SLC9A9: variants seen among roughly 807,000 people sequenced by gnomAD.
The protein encoded by SLC9A9 is solute carrier family 9 member A9.
SLC9A9 carries 62 observed loss-of-function variants against 77.8 expected under a neutral mutation model. The ratio of observed to expected loss-of-function variants is 0.80; its 90% CI spans 0.65 to 0.98. The LOEUF is 0.98. SLC9A9 is among the 50% of genes least tolerant of loss of function. The pLI is 0.00. For synonymous variants in SLC9A9, 320 were observed against 283.5 expected, an observed-to-expected ratio of 1.13 and a Z score of -1.29; for missense variants, 775 against 774.9, an observed-to-expected ratio of 1.00 and a Z score of 0.00.
chr3:143,677,857 C>T (rs1576653465), intron 5 of SLC9A9, among the ~76,000 whole-genome samples: 1 of 128,742 alleles, frequency 7.8e-6, no homozygotes, highest in African/African-American at 2.9e-5. Flanking sequence ...GACAGAGTCT[C>T]GCTCTGTCGC....
At chr3:143,677,289 T>A (rs370496323) in intron 5 of SLC9A9, among the ~76,000 whole-genome samples, 4 of 151,620 alleles carry the variant, frequency 2.6e-5, no homozygotes, top group Admixed American at 6.5e-5. Context: ...CACCACTGCT[T>A]TTAAAAATGT....
chr3:143,590,461 T>G (rs1553769489), intron 6 of SLC9A9, among the ~76,000 whole-genome samples: 1 of 152,208 alleles, frequency 6.6e-6, no homozygotes, highest in African/African-American at 2.4e-5. Context: ...TATTAGAACA[T>G]TATAAGAATC....
chr3:143,558,917 T>C (rs554804432), intron 8 of SLC9A9, among the ~76,000 whole-genome samples: 1 of 152,264 alleles, frequency 6.6e-6, no homozygotes, highest in East Asian at 1.9e-4. Context: ...AATCTTGACT[T>C]ATAGTTCCCA....
rs145261635 is a variant in SLC9A9 at position 143,367,394 on chromosome 3, T to G, written c.1525-3831A>C. On this transcript the variant is annotated intron_variant, in intron 13 of 15. Coordinates refer to ENST00000316549, the MANE Select transcript of SLC9A9 (RefSeq NM_173653.4). ...ACCACTGATGACTCAGCATTGACATTTACACCAATCCTAGATAAGATGTTC... is the reference window on the plus strand; with the variant it reads ...ACCACTGATGACTCAGCATTGACATGTACACCAATCCTAGATAAGATGTTC... 2.6e-3 allele frequency among the ~76,000 whole-genome samples: 389 copies of G among 152,300 alleles called. 5 individuals are homozygous for G. The highest frequency in any genetic ancestry group is 7.1e-3 in the Admixed American group (108 of 15,302).
chr3:143,767,683 G>A (rs1167224151), intron 4 of SLC9A9, among the ~76,000 whole-genome samples: 1 of 152,104 alleles, frequency 6.6e-6, no homozygotes, highest in Non-Finnish European at 1.5e-5. Context: ...AAGTGTGTTT[G>A]TCTATCCTTT....
intron 1 of SLC9A9, among the ~76,000 whole-genome samples, chr3:143,838,448 C>T (rs2361206): frequency 0.96 from 146,672 of 152,014 alleles, 70,770 homozygotes; most frequent in East Asian, 1. Context: ...AAGGTGGTCT[C>T]GAGGAAGAAT....
chr3:143,813,542 C>T (rs1348261966), intron 2 of SLC9A9, among the ~76,000 whole-genome samples: 1 of 152,154 alleles, frequency 6.6e-6, no homozygotes, highest in Non-Finnish European at 1.5e-5. Context: ...CTCTCTTCCT[C>T]CCGCTCCCAA....
chr3:143,321,067 C>T (rs1035630490), intron 14 of SLC9A9, among the ~76,000 whole-genome samples: 3 of 152,208 alleles, frequency 2.0e-5, no homozygotes, highest in African/African-American at 7.2e-5. Context: ...TTGGAGGGAG[C>T]ATGGACCTGC....
intron 5 of SLC9A9, among the ~76,000 whole-genome samples, chr3:143,654,796 G>C (rs1449637510): frequency 6.6e-6 from 1 of 152,076 alleles, no homozygotes; most frequent in Admixed American, 6.6e-5. Flanking sequence ...GGAAGGTAAG[G>C]CCCTTACCCC....
At chr3:143,723,495 T>A (rs1220530745) in intron 4 of SLC9A9, among the ~76,000 whole-genome samples, 1 of 152,156 alleles carries the variant, frequency 6.6e-6, no homozygotes, top group Non-Finnish European at 1.5e-5. Flanking sequence ...ATGATTTTCA[T>A]ATTTTACATG....
intron 5 of SLC9A9, among the ~76,000 whole-genome samples, chr3:143,688,035 C>CTCCT (rs200940948): frequency 0.036 from 5,444 of 150,482 alleles, 140 homozygotes; most frequent in East Asian, 0.11. Context: ...CCCTTTTTGC[C>CTCCT]TCCTTCCTTC....
intron 6 of SLC9A9, among the ~76,000 whole-genome samples, chr3:143,620,080 C>G (rs1003118692): frequency 6.6e-6 from 1 of 152,098 alleles, no homozygotes; most frequent in African/African-American, 2.4e-5. Flanking sequence ...TTCTGGTAGC[C>G]CCTGCCTCCA....
At chr3:143,635,298 A>T (rs547811395) in intron 6 of SLC9A9, among the ~76,000 whole-genome samples, 73 of 152,304 alleles carry the variant, frequency 4.8e-4, no homozygotes, top group African/African-American at 1.5e-3. Context: ...AGGAGGTGGA[A>T]GCTGCTAGTT....
intron 4 of SLC9A9, among the ~76,000 whole-genome samples, chr3:143,700,404 G>A (rs141087011): frequency 4.6e-5 from 7 of 151,992 alleles, no homozygotes; most frequent in East Asian, 2.0e-4. Context: ...GGACAGCATC[G>A]GTAGACCTGC....
intron 14 of SLC9A9, among the ~76,000 whole-genome samples, chr3:143,321,170 T>C (rs1193552353): frequency 6.6e-6 from 1 of 152,178 alleles, no homozygotes; most frequent in Non-Finnish European, 1.5e-5. Context: ...CTTTGTTATA[T>C]CAACCCTAGG....
intron 6 of SLC9A9, among the ~76,000 whole-genome samples, chr3:143,596,432 A>G (rs924434416): frequency 1.3e-5 from 2 of 152,152 alleles, no homozygotes; most frequent in African/African-American, 4.8e-5. Flanking sequence ...TGCTATACTC[A>G]AGGCTTTTTT....
At chr3:143,376,922 C>T (rs990693176) in intron 13 of SLC9A9, among the ~76,000 whole-genome samples, 4 of 152,142 alleles carry the variant, frequency 2.6e-5, no homozygotes, top group African/African-American at 7.2e-5. Flanking sequence ...CTGAAATATT[C>T]GTAGAAGTGT....
chr3:143,825,678 A>G (rs1363285783), intron 2 of SLC9A9, among the ~76,000 whole-genome samples: 1 of 152,222 alleles, frequency 6.6e-6, no homozygotes, highest in Admixed American at 6.5e-5. Context: ...AACTTCCTTT[A>G]CCAAGCGATA....
chr3:143,572,986 G>A (rs2037290657), intron 8 of SLC9A9, among the ~76,000 whole-genome samples: 1 of 152,076 alleles, frequency 6.6e-6, no homozygotes, highest in African/African-American at 2.4e-5. Flanking sequence ...AGAAATGCGT[G>A]GTCCCCCAGA....
Sources: allele counts gnomAD v4.1 joint callset (sites outside exome capture counted in the v4.1 genomes callset), GRCh38; gene constraint gnomAD v4.1.1; transcripts MANE v1.5; gene names NCBI Gene and HGNC (gene_info 2026-07-23, HGNC 2026-07-21).